The following ALK variants were observed in gnomAD, a reference collection of about 807,000 sequenced individuals.
The protein encoded by ALK is ALK tyrosine kinase receptor.
ALK carries 74 observed loss-of-function variants against 163.1 expected under a neutral mutation model. The ratio of observed to expected loss-of-function variants is 0.45; its 90% CI spans 0.38 to 0.55. ALK has a LOEUF of 0.55. ALK is among the 20% of genes least tolerant of loss of function. The pLI is 0.00. For synonymous variants in ALK, 960 were observed against 843.2 expected (o/e 1.14, Z -2.40); for missense variants, 2,063 against 2,105.3 (o/e 0.98, Z 0.39).
intron 1 of ALK, among the ~76,000 whole-genome samples, chr2:29,846,627 C>T (rs1335905511): frequency 6.6e-6 from 1 of 152,162 alleles, no homozygotes; most frequent in Non-Finnish European, 1.5e-5. Context: ...AAGTCCACCT[C>T]CTCCCCCGGG....
chr2:29,681,589 T>G (rs540435806), intron 3 of ALK, among the ~76,000 whole-genome samples: 11 of 152,310 alleles, frequency 7.2e-5, no homozygotes, highest in Middle Eastern at 3.4e-3. Flanking sequence ...ACCGTAGGAT[T>G]GGCTAAAAGG....
chr2:29,590,374 A>T (rs78510487), intron 3 of ALK, among the ~76,000 whole-genome samples: 4,282 of 152,208 alleles, frequency 0.028, 215 homozygotes, highest in African/African-American at 0.098. Context: ...GGTTAAAAAA[A>T]TTTTTTACCT....
chr2:29,601,466 G>T (rs1372122113), intron 3 of ALK, among the ~76,000 whole-genome samples: 1 of 152,046 alleles, frequency 6.6e-6, no homozygotes, highest in Non-Finnish European at 1.5e-5. Flanking sequence ...GATTCCAGGG[G>T]AGGGGCCGGG....
chr2:29,449,712 A>T (rs1670775689), intron 4 of ALK, among the ~76,000 whole-genome samples: 1 of 152,236 alleles, frequency 6.6e-6, no homozygotes, highest in Non-Finnish European at 1.5e-5. Flanking sequence ...GTCTGTGCAG[A>T]GGAGGCTCTT....
intron 1 of ALK, among the ~76,000 whole-genome samples, chr2:29,753,147 T>C (rs921468544): frequency 4.6e-5 from 7 of 152,178 alleles, no homozygotes; most frequent in African/African-American, 1.4e-4. Context: ...GAATGTGCCA[T>C]AAGATAGAAA....
At chr2:29,308,540 G>T (rs1381096499) in intron 8 of ALK, among the ~76,000 whole-genome samples, 1 of 152,232 alleles carries the variant, frequency 6.6e-6, no homozygotes, top group Non-Finnish European at 1.5e-5. Context: ...TCTAGGCTTT[G>T]TGAGGGAGAT....
At position 29,257,442 on chromosome 2, in the gene ALK, C is replaced by T. The variant is rs191589046; in HGVS notation, c.2042-6175G>A. ...CATTGTAGCACCCTCCAAGAAGAAA[C>T]AAATCAATTAGTAATAAACAGTACA... On this transcript the variant is annotated intron_variant, in intron 11 of 28. Coordinates refer to ENST00000389048, the MANE Select transcript of ALK (RefSeq NM_004304.5). Among the ~76,000 whole-genome samples, 8 of 151,780 alleles carry T rather than the reference C, an allele frequency of 5.3e-5. No homozygotes were observed. In the East Asian group the frequency reaches 1.4e-3, roughly 26 times the overall value.
intron 2 of ALK, among the ~76,000 whole-genome samples, chr2:29,707,719 G>A (rs1009834288): frequency 3.3e-5 from 5 of 152,158 alleles, no homozygotes; most frequent in Admixed American, 1.3e-4. Context: ...GTTCCAGAGG[G>A]CAAAACTAGG....
chr2:29,615,599 T>C (rs190491089), intron 3 of ALK, among the ~76,000 whole-genome samples: 174 of 152,328 alleles, frequency 1.1e-3, no homozygotes, highest in African/African-American at 3.8e-3. Context: ...TTACTGTTGT[T>C]ATCAATACTA....
intron 13 of ALK, among the ~76,000 whole-genome samples, chr2:29,235,851 C>A (rs1329421180): frequency 8.2e-6 from 1 of 121,794 alleles, no homozygotes; most frequent in Non-Finnish European, 1.7e-5. Context: ...AGCTACCAGG[C>A]TCGACTTTTT....
At chr2:29,247,223 C>A (rs545475382) in intron 12 of ALK, among the ~76,000 whole-genome samples, 1 of 152,230 alleles carries the variant, frequency 6.6e-6, no homozygotes, top group African/African-American at 2.4e-5. Flanking sequence ...GTTCTCCCTA[C>A]ACCCCACGGA....
At chr2:29,788,969 A>G (rs776633918) in intron 1 of ALK, among the ~76,000 whole-genome samples, 5 of 148,078 alleles carry the variant, frequency 3.4e-5, no homozygotes, top group Non-Finnish European at 4.5e-5. Flanking sequence ...ACTTTAGCTA[A>G]GTTTTGCAAA....
chr2:29,769,203 A>G (rs762735704), intron 1 of ALK, among the ~76,000 whole-genome samples: 2 of 152,182 alleles, frequency 1.3e-5, no homozygotes, highest in Non-Finnish European at 2.9e-5. Context: ...TTTTGAAATT[A>G]TGAAACAGTA....
Position 29,233,560 on chromosome 2 carries a change from C to CT in ALK, c.2487+4_2487+5insA, listed in dbSNP as rs755502856. On this transcript the variant is annotated splice_donor_region_variant and intron_variant, in intron 14 of 28. Coordinates refer to ENST00000389048, the MANE Select transcript of ALK (RefSeq NM_004304.5). ...CTGGTGGAAATCTGGCAGCACACAC[C>CT]ATACCTTAAATACGTAGGTGGCTCC... 4.3e-6 allele frequency: 7 copies of CT among 1,614,052 alleles called. No individual in the cohort carries two copies. In the African/African-American group the frequency reaches 9.3e-5, roughly 22 times the overall value.
At chr2:29,553,712 A>G (rs887100538) in intron 3 of ALK, among the ~76,000 whole-genome samples, 1 of 152,186 alleles carries the variant, frequency 6.6e-6, no homozygotes, top group Admixed American at 6.5e-5. Flanking sequence ...TATTTTGTCT[A>G]TCAGTAATGC....
Position 29,195,257 on chromosome 2 carries a change from C to T in ALK, c.4165-1335G>A, listed in dbSNP as rs542871675. On this transcript the variant is annotated intron_variant, in intron 28 of 28. Transcript: ENST00000389048. Reference sequence around the variant, plus strand: ...AAGTGGGTGTATTCCATTCAGATTACAACAAAATAACCTAATGTCATTAAA... The same window carrying T: ...AAGTGGGTGTATTCCATTCAGATTATAACAAAATAACCTAATGTCATTAAA... Among the ~76,000 whole-genome samples, 12 of 152,172 alleles carry T rather than the reference C, an allele frequency of 7.9e-5. No individual in the cohort carries two copies. The East Asian group carries it at 2.3e-3, about 29-fold the overall frequency.
chr2:29,576,896 C>T (rs541678421), intron 3 of ALK, among the ~76,000 whole-genome samples: 1 of 151,980 alleles, frequency 6.6e-6, no homozygotes, highest in South Asian at 2.1e-4. Context: ...TGCAGGAAAA[C>T]AAGCTCAGGG....
intron 3 of ALK, among the ~76,000 whole-genome samples, chr2:29,570,158 A>G (rs1300194500): frequency 2.6e-5 from 4 of 152,242 alleles, no homozygotes; most frequent in African/African-American, 9.6e-5. Flanking sequence ...TCTCTAGGGC[A>G]TGCTAAGAGC....
intron 15 of ALK, 140 bp from the exon 16 acceptor site, chr2:29,229,206 T>TG: frequency 1.3e-6 from 1 of 766,002 alleles, no homozygotes; most frequent in Non-Finnish European, 2.3e-6. Flanking sequence ...CAGTGGGGCC[T>TG]GGGGGCTTCA....
Sources: allele counts gnomAD v4.1 joint callset (sites outside exome capture counted in the v4.1 genomes callset), GRCh38; gene constraint gnomAD v4.1.1; transcripts MANE v1.5; gene names NCBI Gene and HGNC (gene_info 2026-07-23, HGNC 2026-07-21).